FAF1: variants seen among roughly 807,000 people sequenced by gnomAD.
FAF1 encodes the protein FAS-associated factor 1.
FAF1 carries 25 observed loss-of-function variants against 92.5 expected under a neutral mutation model. The observed-to-expected ratio is 0.27, with a 90% CI of 0.20 to 0.38. FAF1 has a LOEUF of 0.38. Among genes scored for constraint, FAF1 ranks in the 10% least tolerant of loss-of-function variants. FAF1 has a pLI of 1.00. For synonymous variants in FAF1, 234 were observed against 273.2 expected (o/e 0.86, Z 1.42); for missense variants, 636 against 793.3 (o/e 0.80, Z 2.38).
intron 15 of FAF1, among the ~76,000 whole-genome samples, chr1:50,515,842 C>T (rs2149026719): frequency 6.6e-6 from 1 of 152,208 alleles, no homozygotes; most frequent in African/African-American, 2.4e-5. Flanking sequence ...ACTTCTTTCC[C>T]ACATATCCCA....
chr1:50,883,496 C>G (rs929042147), intron 1 of FAF1, among the ~76,000 whole-genome samples: 2 of 152,138 alleles, frequency 1.3e-5, no homozygotes, highest in African/African-American at 4.8e-5. Context: ...AATGTCTTAT[C>G]AAGCCTCTAG....
chr1:50,574,045 G>C (rs1247177811), intron 12 of FAF1, among the ~76,000 whole-genome samples: 3 of 152,086 alleles, frequency 2.0e-5, no homozygotes, highest in Admixed American at 2.0e-4. Flanking sequence ...AGAATTGCTT[G>C]AAACTGGGAG....
intron 4 of FAF1, among the ~76,000 whole-genome samples, chr1:50,751,640 C>A (rs903818126): frequency 6.6e-6 from 1 of 152,180 alleles, no homozygotes; most frequent in Non-Finnish European, 1.5e-5. Context: ...CTGCACCCAG[C>A]CTACTATGTT....
At chr1:50,490,776 T>G in intron 16 of FAF1, 111 bp from the exon 17 acceptor site, 1 of 742,752 alleles carries the variant, frequency 1.3e-6, no homozygotes, top group East Asian at 2.5e-5. Context: ...TATGTGACAT[T>G]CAAAGGCTCA....
chr1:50,834,385 C>T (rs1644182249), intron 2 of FAF1, among the ~76,000 whole-genome samples: 1 of 152,188 alleles, frequency 6.6e-6, no homozygotes, highest in African/African-American at 2.4e-5. Flanking sequence ...CAAAGTGAAA[C>T]TCGTAAGACC....
intron 8 of FAF1, among the ~76,000 whole-genome samples, chr1:50,630,892 G>A (rs1399380885): frequency 7.3e-6 from 1 of 136,428 alleles, no homozygotes; most frequent in East Asian, 2.1e-4. Context: ...GCAGTGGCAC[G>A]ATCCCGGTTC....
intron 1 of FAF1, among the ~76,000 whole-genome samples, chr1:50,904,020 A>G (rs1472813292): frequency 6.6e-6 from 1 of 152,230 alleles, no homozygotes; most frequent in African/African-American, 2.4e-5. Flanking sequence ...ACTTCCGGGT[A>G]TATATTCCAA....
intron 6 of FAF1, among the ~76,000 whole-genome samples, chr1:50,729,657 T>A (rs550397920): frequency 6.6e-6 from 1 of 150,548 alleles, no homozygotes; most frequent in Non-Finnish European, 1.5e-5. Flanking sequence ...TCCGCCTGCG[T>A]TGGCCTCCCA....
intron 15 of FAF1, among the ~76,000 whole-genome samples, chr1:50,525,907 T>C (rs560744752): frequency 1.3e-5 from 2 of 152,324 alleles, no homozygotes; most frequent in East Asian, 1.9e-4. Context: ...GTGTTCCCTA[T>C]AATTCATTGG....
At chr1:50,689,985 T>C (rs988487080) in intron 7 of FAF1, among the ~76,000 whole-genome samples, 4 of 151,046 alleles carry the variant, frequency 2.6e-5, no homozygotes, top group Non-Finnish European at 5.9e-5. Flanking sequence ...TTAAATTACA[T>C]TATATTTCTT....
At chr1:50,916,537 G>A (rs779475465) in intron 1 of FAF1, among the ~76,000 whole-genome samples, 2 of 152,144 alleles carry the variant, frequency 1.3e-5, no homozygotes, top group Non-Finnish European at 2.9e-5. Flanking sequence ...CACTTCCTCA[G>A]GAGCCTCAAT....
intron 1 of FAF1, among the ~76,000 whole-genome samples, chr1:50,937,094 G>A (rs974890191): frequency 6.6e-6 from 1 of 152,078 alleles, no homozygotes; most frequent in Non-Finnish European, 1.5e-5. Context: ...ATTGAATTTA[G>A]GATGAGGGAG....
At chr1:50,563,837 T>G (rs1650044014) in intron 13 of FAF1, among the ~76,000 whole-genome samples, 1 of 152,204 alleles carries the variant, frequency 6.6e-6, no homozygotes, top group African/African-American at 2.4e-5. Flanking sequence ...CCAACATATT[T>G]TGTACACAGT....
rs192096657 is a variant in FAF1, at chr1:50,698,136, T to C, written c.657+7650A>G. On this transcript the variant is annotated intron_variant, in intron 7 of 18. Coordinates refer to ENST00000396153, the MANE Select transcript of FAF1 (RefSeq NM_007051.3). The stretch of plus-strand genomic sequence containing the variant: ...TTATATTCACTTACCCATCCTTTGG[T>C]TTAATTTCTTGTGTGTGTGTGTGTG... Among the ~76,000 whole-genome samples the C allele has an allele frequency of 3.5e-4, 53 of 152,230 alleles. 2 individuals carry two copies. The highest frequency in any genetic ancestry group is 1.4e-3 in the Admixed American group (22 of 15,284).
At chr1:50,594,331 A>T (rs1651681070) in intron 9 of FAF1, among the ~76,000 whole-genome samples, 1 of 151,866 alleles carries the variant, frequency 6.6e-6, no homozygotes. Context: ...AAAAAAAAAA[A>T]ATTATAGTTT....
intron 1 of FAF1, among the ~76,000 whole-genome samples, chr1:50,896,714 A>G (rs1413584411): frequency 1.3e-5 from 2 of 152,252 alleles, no homozygotes; most frequent in Non-Finnish European, 2.9e-5. Context: ...TCATTCCACT[A>G]AAATGAAGTA....
At chr1:50,561,848 CGGAA>C (rs373578502) in intron 13 of FAF1, among the ~76,000 whole-genome samples, 12,917 of 128,438 alleles carry the variant, frequency 0.1, 643 homozygotes, top group East Asian at 0.15. Context: ...GACGGATGGA[CGGAA>C]GGAAGGAAGG....
chr1:50,896,973 C>T (rs896104230), intron 1 of FAF1, among the ~76,000 whole-genome samples: 6 of 151,420 alleles, frequency 4.0e-5, no homozygotes, highest in African/African-American at 1.5e-4. Context: ...AAAAAAAACA[C>T]AAAGAAAAGA....
At chr1:50,687,911 G>A (rs570229252) in intron 7 of FAF1, among the ~76,000 whole-genome samples, 10 of 151,748 alleles carry the variant, frequency 6.6e-5, no homozygotes, top group East Asian at 2.0e-4. Context: ...CAAGGCGGGC[G>A]GATCACAAGG....
Sources: allele counts gnomAD v4.1 joint callset (sites outside exome capture counted in the v4.1 genomes callset), GRCh38; gene constraint gnomAD v4.1.1; transcripts MANE v1.5; gene names NCBI Gene and HGNC (gene_info 2026-07-23, HGNC 2026-07-21).